TMEM131: variants seen among roughly 807,000 people sequenced by gnomAD.
TMEM131 encodes the protein transmembrane protein 131, also known as 2610524E03Rik.
In TMEM131, 66 loss-of-function variants were observed where a neutral mutation model predicts 211.6. That is an observed-to-expected ratio of 0.31 (90% CI 0.26 to 0.38). TMEM131 has a LOEUF of 0.38. Among genes scored for constraint, TMEM131 ranks in the 10% least tolerant of loss-of-function variants. The pLI is 1.00. For synonymous variants in TMEM131, 844 were observed against 841.3 expected, an observed-to-expected ratio of 1.00 and a Z score of -0.06; for missense variants, 2,036 against 2,299.3, an observed-to-expected ratio of 0.89 and a Z score of 2.34.
At chr2:97,952,932 G>A (rs1420661579) in intron 1 of TMEM131, among the ~76,000 whole-genome samples, 3 of 152,050 alleles carry the variant, frequency 2.0e-5, no homozygotes, top group Non-Finnish European at 2.9e-5. Flanking sequence ...TGTTAATTAT[G>A]AATGCTATAA....
At chr2:97,837,623 A>G (rs1405477662) in intron 7 of TMEM131, among the ~76,000 whole-genome samples, 1 of 152,246 alleles carries the variant, frequency 6.6e-6, no homozygotes, top group East Asian at 1.9e-4. Context: ...TGAGATATAT[A>G]CAAAATAACT....
intron 31 of TMEM131, among the ~76,000 whole-genome samples, chr2:97,789,051 C>T (rs2104870939): frequency 6.6e-6 from 1 of 152,330 alleles, no homozygotes; most frequent in East Asian, 1.9e-4. Context: ...CCACTACTAA[C>T]AGTCTGATGT....
chr2:97,898,334 C>G (rs1450193194), intron 3 of TMEM131, among the ~76,000 whole-genome samples: 1 of 152,058 alleles, frequency 6.6e-6, no homozygotes, highest in Non-Finnish European at 1.5e-5. Context: ...GTATGTTGTT[C>G]TATGAATTGA....
chr2:97,818,481 G>GAAATA (rs1553601703), intron 12 of TMEM131, 132 bp downstream of exon 12: 1 of 289,658 alleles, frequency 3.5e-6, no homozygotes, highest in Non-Finnish European at 6.5e-6. Context: ...GGCGGGGGGG[G>GAAATA]ATCAACCTAA....
intron 28 of TMEM131, 25 bp from the exon 29 acceptor site, chr2:97,795,140 G>A (rs1680697420): frequency 3.2e-6 from 5 of 1,571,278 alleles, no homozygotes; most frequent in Non-Finnish European, 2.6e-6. Flanking sequence ...TGGTAGTAAG[G>A]CTAAGTTTTA....
Position 97,844,270 on chromosome 2 carries a change from G to A in TMEM131, c.484-9C>T. On this transcript the variant is annotated splice_polypyrimidine_tract_variant and intron_variant, in intron 5 of 40. Coordinates refer to ENST00000186436, the MANE Select transcript of TMEM131 (RefSeq NM_015348.2). Reference sequence around the variant, plus strand: ...CCTCCTGGAAGAATTTTCTGAAACAGAAAATAAAGTTAAATTTGTAACAAG... The same window carrying A: ...CCTCCTGGAAGAATTTTCTGAAACAAAAAATAAAGTTAAATTTGTAACAAG... 1.8e-6 allele frequency: 2 copies of A among 1,104,320 alleles called. 1 individual carries two copies. The allele number at this position is 1,104,320 out of a possible 1,614,324, so 68.4% of individuals were successfully genotyped here. A position where few individuals can be genotyped will look rare whatever the true frequency, so the allele number is the denominator to read the frequency against.
intron 28 of TMEM131, among the ~76,000 whole-genome samples, chr2:97,795,698 G>A (rs1000966885): frequency 6.6e-6 from 1 of 152,010 alleles, no homozygotes; most frequent in Admixed American, 6.6e-5. Flanking sequence ...TTCAATTAAG[G>A]GACAGAAGTT....
intron 1 of TMEM131, among the ~76,000 whole-genome samples, chr2:97,951,755 T>A (rs1678327912): frequency 6.6e-6 from 1 of 152,028 alleles, no homozygotes; most frequent in Non-Finnish European, 1.5e-5. Flanking sequence ...ATTACTCCAG[T>A]CCAGTGTGTT....
intron 31 of TMEM131, among the ~76,000 whole-genome samples, chr2:97,789,170 G>A (rs1194722413): frequency 2.0e-5 from 3 of 152,186 alleles, no homozygotes; most frequent in Non-Finnish European, 2.9e-5. Context: ...CAGGCTCCGC[G>A]AGCACTCTTC....
intron 32 of TMEM131, among the ~76,000 whole-genome samples, chr2:97,773,841 C>T (rs1679583865): frequency 6.6e-6 from 1 of 152,110 alleles, no homozygotes; most frequent in Non-Finnish European, 1.5e-5. Context: ...GCTGAACTCG[C>T]CTGGGGAGCT....
chr2:97,908,772 A>G, intron 2 of TMEM131, 74 bp from the exon 3 acceptor site: 1 of 1,266,666 alleles, frequency 7.9e-7, no homozygotes, highest in African/African-American at 1.5e-5. Context: ...GAATATCCAA[A>G]ATATTCTATT....
rs1449498280 is a variant in TMEM131 at position 97,976,203 on chromosome 2, G to A, written c.187+19273C>T. Among the ~76,000 whole-genome samples the A allele has an allele frequency of 2.6e-5, 4 of 152,074 alleles. No homozygotes were observed. In the East Asian group the frequency reaches 7.7e-4, roughly 29 times the overall value. ...AACATTGCACTGGAGGTCATAAGCA[G>A]TACAATCAGGTAAGCAAAACAGAAG... On this transcript the variant is annotated intron_variant, in intron 1 of 40. Transcript: ENST00000186436.
chr2:97,916,629 CAGAG>C (rs1411185402), intron 2 of TMEM131, among the ~76,000 whole-genome samples: 2 of 152,066 alleles, frequency 1.3e-5, no homozygotes, highest in African/African-American at 2.4e-5. Context: ...GCTTTGTTTG[CAGAG>C]AGAAAAATAA....
At chr2:97,904,871 T>C (rs1332343366) in intron 3 of TMEM131, among the ~76,000 whole-genome samples, 1 of 152,064 alleles carries the variant, frequency 6.6e-6, no homozygotes, top group Non-Finnish European at 1.5e-5. Context: ...TCAAATAATA[T>C]TGTACTACTT....
chr2:97,988,057 A>G (rs1680104968), intron 1 of TMEM131, among the ~76,000 whole-genome samples: 2 of 152,248 alleles, frequency 1.3e-5, no homozygotes, highest in South Asian at 4.1e-4. Context: ...ATTTCAAAAC[A>G]TATTACAAAG....
chr2:97,956,331 C>T (rs1326379822), intron 1 of TMEM131, among the ~76,000 whole-genome samples: 15 of 152,110 alleles, frequency 9.9e-5, no homozygotes, highest in Admixed American at 6.5e-4. Flanking sequence ...TTTTGTATCT[C>T]GGAACCAACT....
intron 31 of TMEM131, among the ~76,000 whole-genome samples, 181 bp from the exon 32 acceptor site, chr2:97,776,199 G>A (rs527695551): frequency 6.6e-6 from 1 of 151,888 alleles, no homozygotes; most frequent in African/African-American, 2.4e-5. Flanking sequence ...GACTACAGGC[G>A]CCCGCCACCA....
At chr2:97,897,895 A>G (rs2104318384) in intron 3 of TMEM131, among the ~76,000 whole-genome samples, 1 of 152,268 alleles carries the variant, frequency 6.6e-6, no homozygotes, top group African/African-American at 2.4e-5. Context: ...TCTTTAACAG[A>G]TATTTAAAAA....
intron 2 of TMEM131, among the ~76,000 whole-genome samples, chr2:97,909,715 T>C (rs2104374138): frequency 6.6e-6 from 1 of 152,312 alleles, no homozygotes; most frequent in East Asian, 1.9e-4. Flanking sequence ...TAGAAAACTG[T>C]CCTAATTTTT....
Sources: gnomAD v4.1 joint callset for allele counts (sites outside exome capture counted in the v4.1 genomes callset) on GRCh38, gnomAD v4.1.1 for gene constraint, MANE v1.5 for transcripts, NCBI Gene and HGNC (gene_info 2026-07-23, HGNC 2026-07-21) for gene names.